STARD4: variants seen among roughly 807,000 people sequenced by gnomAD.
STARD4 encodes StAR related lipid transfer domain containing 4.
A neutral mutation model predicts 24.9 loss-of-function variants in STARD4; 33 were observed. That is an observed-to-expected ratio of 1.32 (90% CI 1.00 to 1.77). The LOEUF is 1.77. STARD4 is among the 40% of genes most tolerant of loss of function. STARD4 has a pLI of 0.00. For synonymous variants in STARD4, 88 were observed against 77.4 expected, an observed-to-expected ratio of 1.14 and a Z score of -0.72; for missense variants, 238 against 249.3, an observed-to-expected ratio of 0.95 and a Z score of 0.31.
At chr5:111,503,437 T>C (rs1050554786) in intron 3 of STARD4, among the ~76,000 whole-genome samples, 3 of 152,162 alleles carry the variant, frequency 2.0e-5, no homozygotes, top group Non-Finnish European at 4.4e-5. Flanking sequence ...GAGACCATCC[T>C]GGCCAACATG....
intron 1 of STARD4, 114 bp downstream of exon 1, chr5:111,512,271 G>A (rs895891286): frequency 7.2e-5 from 11 of 152,652 alleles, no homozygotes; most frequent in Non-Finnish European, 1.0e-4. Context: ...GAGCTCCCCA[G>A]ATCCATGGTC....
chr5:111,502,803 AT>A (rs1756563961), intron 3 of STARD4, among the ~76,000 whole-genome samples: 1 of 147,804 alleles, frequency 6.8e-6, no homozygotes, highest in Admixed American at 6.8e-5. Flanking sequence ...CAAAAAAAAA[AT>A]AATAATAATG....
intron 1 of STARD4, among the ~76,000 whole-genome samples, chr5:111,509,816 G>A (rs368646098): frequency 6.6e-6 from 1 of 152,072 alleles, no homozygotes; most frequent in Middle Eastern, 3.2e-3. Context: ...CAATCCTAGA[G>A]CTTCTGAATA....
In STARD4 at chr5:111,507,065, G is replaced by T. The variant is rs1377511268; in HGVS notation, c.105+264C>A. On this transcript the variant is annotated intron_variant, in intron 2 of 5. Coordinates refer to ENST00000296632, the MANE Select transcript of STARD4 (RefSeq NM_139164.3). The surrounding 1 kb of genome is among the most constrained non-coding windows in gnomAD (Gnocchi z 4.4). ...ATACATTTTATTTGCTGACTTAAGA[G>T]GCCATTCTTTAGGTTCTAGTTGCCA... Among the ~76,000 whole-genome samples, 3 of 152,116 alleles carry T rather than the reference G, an allele frequency of 2.0e-5. No individual in the cohort carries two copies. In the East Asian group the frequency reaches 5.8e-4, roughly 29 times the overall value.
chr5:111,507,135 G>T lies in STARD4; in HGVS notation c.105+194C>A, dbSNP rs549071304. 6.6e-5 allele frequency among the ~76,000 whole-genome samples: 10 copies of T among 152,296 alleles called. No individual in the cohort carries two copies. The South Asian group carries it at 1.9e-3, about 28-fold the overall frequency. ...AATATCCAAAGAGCTAATGAAAGCA[G>T]TATAGGATTACCACTGATGCATTTC... On this transcript the variant is annotated intron_variant, in intron 2 of 5. Coordinates refer to ENST00000296632, the MANE Select transcript of STARD4 (RefSeq NM_139164.3). This position sits in a 1 kb window ranked among gnomAD's most constrained non-coding sequence, Gnocchi z 4.4.
intron 1 of STARD4, among the ~76,000 whole-genome samples, chr5:111,511,902 C>G (rs186874918): frequency 6.6e-6 from 1 of 152,272 alleles, no homozygotes; most frequent in East Asian, 1.9e-4. Flanking sequence ...AGGCAGTAAG[C>G]CCTGGGAAAA....
intron 3 of STARD4, among the ~76,000 whole-genome samples, chr5:111,503,605 G>A (rs1025391121): frequency 2.6e-5 from 4 of 152,110 alleles, no homozygotes; most frequent in Admixed American, 6.5e-5. Flanking sequence ...CTCCAGCCTG[G>A]CGACACAGCG....
chr5:111,505,768 T>A (rs1756808298), intron 3 of STARD4, among the ~76,000 whole-genome samples: 1 of 152,196 alleles, frequency 6.6e-6, no homozygotes, highest in African/African-American at 2.4e-5. Flanking sequence ...AAGGGTCATG[T>A]ATACAATGCT....
intron 2 of STARD4, among the ~76,000 whole-genome samples, chr5:111,506,927 T>G (rs992422957): frequency 2.0e-5 from 3 of 152,214 alleles, no homozygotes; most frequent in African/African-American, 4.8e-5. Context: ...TGTAATAGTT[T>G]GGGCAAGTCA....
intron 3 of STARD4, among the ~76,000 whole-genome samples, chr5:111,503,123 G>C (rs1050669533): frequency 6.6e-6 from 1 of 151,926 alleles, no homozygotes; most frequent in Non-Finnish European, 1.5e-5. Context: ...AGAGAAATAG[G>C]CCAATAGAAC....
intron 3 of STARD4, among the ~76,000 whole-genome samples, chr5:111,505,799 G>C (rs1225545099): frequency 1.3e-5 from 2 of 152,084 alleles, no homozygotes; most frequent in Non-Finnish European, 2.9e-5. Flanking sequence ...GATTTTAGCA[G>C]TCATTTTATA....
At chr5:111,512,060 C>T (rs965331693) in intron 1 of STARD4, among the ~76,000 whole-genome samples, 1 of 152,216 alleles carries the variant, frequency 6.6e-6, no homozygotes, top group African/African-American at 2.4e-5. Context: ...ACCACCGCCC[C>T]TCTCCCATTT....
At chr5:111,501,198 GAAAC>G in intron 4 of STARD4, 82 bp from the exon 5 acceptor site, 1 of 1,328,124 alleles carries the variant, frequency 7.5e-7, no homozygotes, top group Middle Eastern at 1.9e-4. Context: ...TCTCTGGAAA[GAAAC>G]TAATATTTAT....
In STARD4 at chr5:111,497,140, C is replaced by A. The variant is rs988092038; in HGVS notation, c.*2746G>T. On this transcript the variant is annotated 3_prime_UTR_variant, in exon 6 of 6. Coordinates refer to ENST00000296632, the MANE Select transcript of STARD4 (RefSeq NM_139164.3). ...ACAAGTTTCTAATACGTACTACCTA[C>A]AAGCTACAGAATAGTCAACCATTTA... 10 of 151,972 alleles carry A rather than the reference C, an allele frequency of 6.6e-5. No individual in the cohort carries two copies. The highest frequency in any genetic ancestry group is 3.9e-4 in the Admixed American group (6 of 15,244). The allele number at this position is 151,972 out of a possible 1,614,324, so 9.4% of individuals were successfully genotyped here.
Position 111,498,391 on chromosome 5 carries a change from T to C in STARD4, c.*1495A>G, listed in dbSNP as rs1209173837. On this transcript the variant is annotated 3_prime_UTR_variant, in exon 6 of 6. Transcript: ENST00000296632. ...CAGGAAATAATAGCCCTTATAGTAA[T>C]GTGTACTATCTTGTCACAAATCCCT... The C allele has an allele frequency of 6.6e-6, 1 of 151,808 alleles. No homozygotes were observed. Among genetic ancestry groups the C allele is most frequent in the East Asian group, 1.9e-4 (1 of 5,192 alleles). 9.4% of individuals were successfully genotyped at this position (151,808 alleles called of 1,614,324 possible).
In STARD4 at chr5:111,499,871, AAT is replaced by A; in HGVS notation, c.*13_*14del. The stretch of plus-strand genomic sequence containing the variant: ...GTTGATCTGTAGTACTACAAGTTTG[AAT>A]GTATTTTGCCTCTCATAAAGCTTTT... On this transcript the variant is annotated 3_prime_UTR_variant, in exon 6 of 6. Coordinates refer to ENST00000296632, the MANE Select transcript of STARD4 (RefSeq NM_139164.3). 1 of 1,608,446 alleles carries A rather than the reference AAT, an allele frequency of 6.2e-7. No homozygotes were observed. Among genetic ancestry groups the A allele is most frequent in the Non-Finnish European group, 8.5e-7 (1 of 1,174,904 alleles).
In STARD4 at chr5:111,507,718, G is replaced by A. The variant is rs1175744637; in HGVS notation, c.-9-276C>T. 6.6e-6 allele frequency among the ~76,000 whole-genome samples: 1 copy of A among 152,100 alleles called. No individual in the cohort carries two copies. The highest frequency in any genetic ancestry group is 1.5e-5 in the Non-Finnish European group (1 of 67,996). On this transcript the variant is annotated intron_variant, in intron 1 of 5. Transcript: ENST00000296632. This position sits in a 1 kb window ranked among gnomAD's most constrained non-coding sequence, Gnocchi z 4.4. ...ACAGAAAGTAGAAGAGAAGACAGGA[G>A]GAAGGGGAAGCAATTGTATCTCATA...
chr5:111,502,735 G>A (rs1756557504), intron 3 of STARD4, among the ~76,000 whole-genome samples: 1 of 151,840 alleles, frequency 6.6e-6, no homozygotes, highest in Admixed American at 6.6e-5. Flanking sequence ...GGAGGTTGAG[G>A]TGAGCCGAGA....
chr5:111,504,937 T>A (rs1373059238), intron 3 of STARD4: 7 of 436,086 alleles, frequency 1.6e-5, no homozygotes, highest in Non-Finnish European at 3.2e-5. Context: ...ATCTTTCACA[T>A]GCATTTGCCC....
Sources: allele counts gnomAD v4.1 joint callset (sites outside exome capture counted in the v4.1 genomes callset), GRCh38; gene constraint gnomAD v4.1.1; non-coding constraint Gnocchi (gnomAD v3.1); transcripts MANE v1.5; gene names NCBI Gene and HGNC (gene_info 2026-07-23, HGNC 2026-07-21).